Variants in CDKN2A observed in about 807,000 individuals in gnomAD.
CDKN2A encodes cyclin-dependent kinase inhibitor 2A.
CDKN2A carries 3 observed loss-of-function variants against 11.1 expected under a neutral mutation model. The ratio of observed to expected loss-of-function variants is 0.27; its 90% CI spans 0.12 to 0.70. The LOEUF is 0.70. CDKN2A is among the 30% of genes least tolerant of loss of function. The pLI, the probability that CDKN2A is intolerant of heterozygous loss-of-function variation, is 0.77. For synonymous variants in CDKN2A, 122 were observed against 108.1 expected (o/e 1.13, Z -0.80); for missense variants, 265 against 233.6 (o/e 1.13, Z -0.88).
chr9:21,972,465 C>T (rs1418919800), intron 1 of CDKN2A, among the ~76,000 whole-genome samples: 1 of 152,010 alleles, frequency 6.6e-6, no homozygotes, highest in African/African-American at 2.4e-5. Flanking sequence ...AATACAGAGA[C>T]CATGAGCCAA....
In CDKN2A at chr9:21,993,325, C is replaced by A. The variant is rs372433325; in HGVS notation, c.-4+557G>T. On this transcript the variant is annotated intron_variant, in intron 2 of 3. Transcript: ENST00000494262. ...GTGTCAACATTTGTCAATGTGAGGA[C>A]AAAACTACCTTGGATTCTGTTTTTC... is the stretch of plus-strand genomic sequence containing the variant. Among the ~76,000 whole-genome samples, 60 of 152,312 alleles carry A rather than the reference C, an allele frequency of 3.9e-4. No individual in the cohort carries two copies. In the East Asian group the frequency reaches 5.2e-3, roughly 13 times the overall value.
intron 2 of CDKN2A, chr9:21,992,172 TATTA>T: frequency 1.6e-5 from 13 of 818,234 alleles, no homozygotes; most frequent in Non-Finnish European, 1.9e-5. Context: ...TTTGCAATGA[TATTA>T]AATAATTCAT....
At chr9:21,980,822 G>C (rs1271035184) in intron 2 of CDKN2A, among the ~76,000 whole-genome samples, 4 of 150,488 alleles carry the variant, frequency 2.7e-5, no homozygotes, top group Admixed American at 6.6e-5. Flanking sequence ...AGCCAGGCGA[G>C]GTGGCGGGCA....
rs370823171 is a variant in CDKN2A at position 21,971,039 on chromosome 9, C to T, written c.320G>A (p.Arg107His). The change falls in exon 2 of 3, where the codon CGC (arginine) becomes CAC (histidine). Residue 107 changes from arginine (R) to histidine (H), a missense_variant. Arg to His is a conservative substitution (Grantham distance 29, BLOSUM62 0). Coordinates refer to ENST00000304494, the MANE Select transcript of CDKN2A (RefSeq NM_000077.5). Reference protein sequence around the residue: ...LHRAGARLDVRDAWGRLPVDL... With the variant: ...LHRAGARLDVHDAWGRLPVDL... ...CACGGGCAGACGGCCCCAGGCATCG[C>T]GCACGTCCAGCCGCGCCCCGGCCCG... 25 of 1,605,852 alleles carry T rather than the reference C, an allele frequency of 1.6e-5. No individual in the cohort carries two copies. The highest frequency in any genetic ancestry group is 2.1e-5 in the Non-Finnish European group (25 of 1,179,384).
upstream of CDKN2A, chr9:21,975,223 T>C: frequency 2.0e-6 from 2 of 999,068 alleles, no homozygotes; most frequent in South Asian, 4.5e-5. Flanking sequence ...CCAGCCGCGC[T>C]CCCCCGCCTG....
intron 1 of CDKN2A, among the ~76,000 whole-genome samples, chr9:21,973,164 A>G (rs1819857313): frequency 2.0e-5 from 3 of 152,198 alleles, no homozygotes; most frequent in South Asian, 4.1e-4. Context: ...CTTATATTTC[A>G]TAGTATGAAA....
intron 2 of CDKN2A, among the ~76,000 whole-genome samples, chr9:21,983,491 T>G (rs2131130898): frequency 6.6e-6 from 1 of 152,198 alleles, no homozygotes; most frequent in East Asian, 1.9e-4. Context: ...AAGTTATAAT[T>G]TACTTAATGA....
Position 21,968,254 on chromosome 9 carries a change from A to C in CDKN2A, c.458-12T>G, listed in dbSNP as rs983505944. ...TCAATCGGGGATGTCTGCAGAGGGC[A>C]GAAAGAAAACAGGCGTTAGAAACCT... On this transcript the variant is annotated splice_polypyrimidine_tract_variant and intron_variant, in intron 2 of 2. Transcript: ENST00000304494. The surrounding 1 kb of genome is among the most constrained non-coding windows in gnomAD (Gnocchi z 4.7). 6.2e-7 allele frequency: 1 copy of C among 1,613,994 alleles called. No individual in the cohort carries two copies.
At chr9:21,971,230 T>A in intron 1 of CDKN2A, 22 bp from the exon 2 acceptor site, 2 of 1,592,990 alleles carry the variant, frequency 1.3e-6, no homozygotes, top group Non-Finnish European at 1.7e-6. Context: ...AACAGAATGG[T>A]CAGAGCCAGG....
intron 2 of CDKN2A, among the ~76,000 whole-genome samples, chr9:21,990,515 A>G (rs1820403055): frequency 6.6e-6 from 1 of 151,966 alleles, no homozygotes; most frequent in African/African-American, 2.4e-5. Context: ...TGGTCATAGC[A>G]CTTTGGAAAA....
At chr9:21,969,913 A>C (rs1819621117) in intron 2 of CDKN2A, 2 of 396,762 alleles carry the variant, frequency 5.0e-6, no homozygotes, top group African/African-American at 4.1e-5. Context: ...GAGGGCTTAG[A>C]GCTAACTCTT....
At position 21,968,483 on chromosome 9, in the gene CDKN2A, C is replaced by T; in HGVS notation, c.458-241G>A. Reference sequence around the variant, plus strand: ...CGACCGCTCAAGCGCTCCAGGTCCACCCGGCGGAGGGCAGAGAAAGCGCGA... The same window carrying T: ...CGACCGCTCAAGCGCTCCAGGTCCATCCGGCGGAGGGCAGAGAAAGCGCGA... On this transcript the variant is annotated intron_variant, in intron 2 of 2. Coordinates refer to ENST00000304494, the MANE Select transcript of CDKN2A (RefSeq NM_000077.5). This position sits in a 1 kb window ranked among gnomAD's most constrained non-coding sequence, Gnocchi z 4.7. 1 of 1,462,338 alleles carries T rather than the reference C, an allele frequency of 6.8e-7. No individual in the cohort carries two copies. Among genetic ancestry groups the T allele is most frequent in the Non-Finnish European group, 9.0e-7 (1 of 1,113,716 alleles). The allele number at this position is 1,462,338 out of a possible 1,614,324, so 90.6% of individuals were successfully genotyped here.
chr9:21,994,440 C>T, intron 1 of CDKN2A: 6 of 1,567,016 alleles, frequency 3.8e-6, no homozygotes, highest in Non-Finnish European at 5.2e-6. Context: ...GACCCACGCA[C>T]CGCCCCCTGC....
Position 21,991,615 on chromosome 9 carries a change from G to A in CDKN2A, c.-4+2267C>T. ...TAGTAATAGGAGTTTTTCATATGTT[G>A]GGAAAATGGTTTAGCTTAACTCTAT... On this transcript the variant is annotated intron_variant, in intron 2 of 3. Transcript: ENST00000494262. This position sits in a 1 kb window ranked among gnomAD's most constrained non-coding sequence, Gnocchi z 5.2. 1.0e-6 allele frequency: 1 copy of A among 977,684 alleles called. No homozygotes were observed. Among genetic ancestry groups the A allele is most frequent in the Non-Finnish European group, 1.2e-6 (1 of 822,916 alleles). 60.6% of individuals were successfully genotyped at this position (977,684 alleles called of 1,614,324 possible).
chr9:21,986,826 G>T (rs1820309354), intron 2 of CDKN2A, among the ~76,000 whole-genome samples: 1 of 152,054 alleles, frequency 6.6e-6, no homozygotes, highest in African/African-American at 2.4e-5. Flanking sequence ...ATTGCATGGA[G>T]TAAAATTCAA....
chr9:21,991,931 CT>C lies in CDKN2A; in HGVS notation c.-4+1950del. 1 of 984,510 alleles carries C rather than the reference CT, an allele frequency of 1.0e-6. No individual in the cohort carries two copies. The highest frequency in any genetic ancestry group is 1.2e-6 in the Non-Finnish European group (1 of 829,162). 61.0% of individuals were successfully genotyped at this position (984,510 alleles called of 1,614,324 possible). A position where few individuals can be genotyped will look rare whatever the true frequency, so the allele number is the denominator to read the frequency against. ...TATTAAAGAAAAAAATAACCTGAGC[CT>C]TCTGAAGTAGCTATAAACAAATGAA... is the stretch of plus-strand genomic sequence containing the variant. On this transcript the variant is annotated intron_variant, in intron 2 of 3. Transcript: ENST00000494262. The surrounding 1 kb of genome is among the most constrained non-coding windows in gnomAD (Gnocchi z 5.2).
chr9:21,969,693 G>A, intron 2 of CDKN2A: 1 of 395,512 alleles, frequency 2.5e-6, no homozygotes, highest in Admixed American at 4.4e-5. Flanking sequence ...CTGGAACCGC[G>A]CTGTAATTGG....
At chr9:21,975,562 C>A (rs3731238), upstream of CDKN2A, among the ~76,000 whole-genome samples, 1 of 152,160 alleles carries the variant, frequency 6.6e-6, no homozygotes, top group Non-Finnish European at 1.5e-5. Context: ...ACTGCTCTCT[C>A]CTTCCCCTCC....
Position 21,968,057 on chromosome 9 carries a change from G to A in CDKN2A, c.*172C>T. ...GATATAAATGGACATTTACGGTAGT[G>A]GGGGAAGGCATATATCTACGTTAAA... On this transcript the variant is annotated 3_prime_UTR_variant, in exon 3 of 3. Coordinates refer to ENST00000304494, the MANE Select transcript of CDKN2A (RefSeq NM_000077.5). This position sits in a 1 kb window ranked among gnomAD's most constrained non-coding sequence, Gnocchi z 4.7. The A allele has an allele frequency of 4.6e-6, 3 of 658,682 alleles. No homozygotes were observed. Among genetic ancestry groups the A allele is most frequent in the South Asian group, 1.8e-5 (1 of 56,120 alleles). The allele number at this position is 658,682 out of a possible 1,614,324, so 40.8% of individuals were successfully genotyped here.
Sources: gnomAD v4.1 joint callset for allele counts (sites outside exome capture counted in the v4.1 genomes callset) on GRCh38, gnomAD v4.1.1 for gene constraint, Gnocchi (gnomAD v3.1) non-coding constraint, MANE v1.5 for transcripts, NCBI Gene and HGNC (gene_info 2026-07-23, HGNC 2026-07-21) for gene names.